Variants in CACNA2D3 observed in about 807,000 individuals in gnomAD.
CACNA2D3 encodes the protein voltage-dependent calcium channel subunit alpha-2/delta-3.
Under a neutral mutation model 160.6 loss-of-function variants are expected in CACNA2D3, and 60 were observed. The ratio of observed to expected loss-of-function variants is 0.37; its 90% CI spans 0.30 to 0.46. The LOEUF is 0.46. Among genes scored for constraint, CACNA2D3 ranks in the 20% least tolerant of loss-of-function variants. CACNA2D3 has a pLI of 1.00. For synonymous variants in CACNA2D3, 558 were observed against 492.9 expected (o/e 1.13, Z -1.75); for missense variants, 1,205 against 1,365.0 (o/e 0.88, Z 1.85).
intron 3 of CACNA2D3, among the ~76,000 whole-genome samples, chr3:54,374,960 C>T (rs140678222): frequency 2.0e-5 from 3 of 152,318 alleles, no homozygotes; most frequent in Non-Finnish European, 4.4e-5. Flanking sequence ...AGGCTCCCCT[C>T]CACATAATCT....
intron 35 of CACNA2D3, among the ~76,000 whole-genome samples, chr3:55,066,549 C>T (rs1704640250): frequency 6.6e-6 from 1 of 152,100 alleles, no homozygotes; most frequent in African/African-American, 2.4e-5. Flanking sequence ...ATGGTGATCG[C>T]TTTCATCATT....
chr3:54,172,292 C>T (rs1700588663), intron 2 of CACNA2D3, among the ~76,000 whole-genome samples: 2 of 152,204 alleles, frequency 1.3e-5, no homozygotes, highest in East Asian at 1.9e-4. Context: ...TGTTTTCGGT[C>T]GAGCCTTTGA....
intron 2 of CACNA2D3, among the ~76,000 whole-genome samples, chr3:54,143,353 A>G (rs1699970865): frequency 6.6e-6 from 1 of 152,224 alleles, no homozygotes; most frequent in Non-Finnish European, 1.5e-5. Context: ...GGAAGAAATA[A>G]TAACTATGAT....
At chr3:54,240,552 A>C (rs1042881071) in intron 2 of CACNA2D3, among the ~76,000 whole-genome samples, 8 of 152,170 alleles carry the variant, frequency 5.3e-5, no homozygotes, top group African/African-American at 1.9e-4. Context: ...CCAACAGCGC[A>C]TGCATTTTCT....
At chr3:54,816,354 G>T (rs371755487) in intron 13 of CACNA2D3, among the ~76,000 whole-genome samples, 2 of 152,142 alleles carry the variant, frequency 1.3e-5, no homozygotes, top group African/African-American at 4.8e-5. Context: ...TTTTGTGGGG[G>T]ACTGTCCTGT....
intron 14 of CACNA2D3, among the ~76,000 whole-genome samples, chr3:54,819,678 C>A (rs759448087): frequency 6.6e-6 from 1 of 152,144 alleles, no homozygotes; most frequent in South Asian, 2.1e-4. Context: ...AACCACGTCT[C>A]TTCTAAAAAT....
chr3:54,463,541 T>C (rs1700549154), intron 4 of CACNA2D3, among the ~76,000 whole-genome samples: 1 of 152,228 alleles, frequency 6.6e-6, no homozygotes, highest in Non-Finnish European at 1.5e-5. Context: ...CCATCACTGA[T>C]ACCCTTTCTT....
intron 3 of CACNA2D3, among the ~76,000 whole-genome samples, chr3:54,377,544 T>G (rs767342878): frequency 2.6e-5 from 4 of 152,212 alleles, no homozygotes; most frequent in Non-Finnish European, 5.9e-5. Context: ...GTGGAATCCT[T>G]TGGGAAATTT....
intron 11 of CACNA2D3, among the ~76,000 whole-genome samples, chr3:54,650,201 T>TTTTGTTTGTTCGTTTG (rs112112937): frequency 4.0e-5 from 6 of 151,068 alleles, no homozygotes; most frequent in African/African-American, 1.5e-4. Context: ...TGTTTTTTGT[T>TTTTGTTTGTTCGTTTG]TTTGTTTGTT....
intron 35 of CACNA2D3, among the ~76,000 whole-genome samples, chr3:55,034,857 G>A (rs1040486162): frequency 4.6e-5 from 7 of 152,068 alleles, no homozygotes; most frequent in Non-Finnish European, 7.4e-5. Flanking sequence ...TGAAAACTCT[G>A]TGTATTTATG....
rs751578672 is a variant in CACNA2D3, at chr3:54,764,299, T to C, written c.1328T>C (p.Val443Ala). Residue 443 changes from valine to alanine, a missense_variant, in exon 13 of 38, where the codon GTC becomes GCC. This residue lies in a region of CACNA2D3 where 911 missense variants were observed against 1,002.2 expected (regional missense o/e 0.91). Coordinates refer to ENST00000474759, the MANE Select transcript of CACNA2D3 (RefSeq NM_018398.3). ...EYLHVLSRPKVIDQEHDVVWT... is the reference protein window; with the variant it reads ...EYLHVLSRPKAIDQEHDVVWT... The stretch of plus-strand genomic sequence containing the variant: ...CTTCACGTGCTTAGCCGGCCCAAAG[T>C]CATCGACCAGGAGCATGATGTGGTG... The C allele has an allele frequency of 1.9e-5, 30 of 1,613,762 alleles. No homozygotes were observed. Among genetic ancestry groups the C allele is most frequent in the Non-Finnish European group, 2.1e-5 (25 of 1,179,854 alleles).
At chr3:54,550,334 C>G (rs920451426) in intron 5 of CACNA2D3, among the ~76,000 whole-genome samples, 3 of 152,172 alleles carry the variant, frequency 2.0e-5, no homozygotes, top group Non-Finnish European at 4.4e-5. Flanking sequence ...TGCTGGGCCT[C>G]GGTTCCCTCA....
intron 4 of CACNA2D3, among the ~76,000 whole-genome samples, chr3:54,482,854 T>C (rs944446876): frequency 2.0e-5 from 3 of 152,168 alleles, no homozygotes; most frequent in African/African-American, 4.8e-5. Context: ...GGGAGACTCA[T>C]AGCCCCCTCT....
chr3:54,432,227 A>G (rs1162845040), intron 4 of CACNA2D3, among the ~76,000 whole-genome samples: 2 of 152,190 alleles, frequency 1.3e-5, no homozygotes, highest in Admixed American at 6.5e-5. Context: ...GATTATAGCT[A>G]TCTCAACATT....
intron 27 of CACNA2D3, among the ~76,000 whole-genome samples, chr3:54,915,254 C>A (rs1457483704): frequency 6.6e-6 from 1 of 152,218 alleles, no homozygotes; most frequent in Non-Finnish European, 1.5e-5. Context: ...TCTCCAAAAT[C>A]TCTATGGCAG....
chr3:54,633,763 T>C (rs548325882), intron 10 of CACNA2D3: 2 of 152,280 alleles, frequency 1.3e-5, no homozygotes, highest in South Asian at 4.2e-4. Flanking sequence ...AGTAAATTCG[T>C]ATTAATACAC....
rs764078872 is a variant in CACNA2D3 at position 54,846,487 on chromosome 3, TC to T, written c.1626+21del. On this transcript the variant is annotated intron_variant, in intron 17 of 37. Transcript: ENST00000474759. ...CTGCTGGTAAGAGAAATTATGTACT[TC>T]TGCATTTCTGCTTTTATGATTTTAA... is the stretch of plus-strand genomic sequence containing the variant. 6.9e-7 allele frequency: 1 copy of T among 1,446,662 alleles called. No homozygotes were observed. Among genetic ancestry groups the T allele is most frequent in the Non-Finnish European group, 9.6e-7 (1 of 1,042,370 alleles). 89.6% of individuals were successfully genotyped at this position (1,446,662 alleles called of 1,614,324 possible).
At chr3:54,130,800 G>T (rs2107252466) in intron 2 of CACNA2D3, among the ~76,000 whole-genome samples, 1 of 152,332 alleles carries the variant, frequency 6.6e-6, no homozygotes, top group East Asian at 1.9e-4. Flanking sequence ...AGGATTAAAT[G>T]AGAAACATCT....
chr3:54,456,473 G>C lies in CACNA2D3; in HGVS notation c.382-47019G>C, dbSNP rs1219448461. 4.0e-5 allele frequency among the ~76,000 whole-genome samples: 6 copies of C among 151,788 alleles called. 1 individual carries two copies. The highest frequency in any genetic ancestry group is 1.3e-4 in the Admixed American group (2 of 15,220). ...TCTAAGAGTTTTGGTGGAGTCTTTA[G>C]GTTGTTTTTCTATATATAAGATCAT... On this transcript the variant is annotated intron_variant, in intron 4 of 37. Transcript: ENST00000474759.
Sources: gnomAD v4.1 joint callset for allele counts (sites outside exome capture counted in the v4.1 genomes callset) on GRCh38, gnomAD v4.1.1 for gene constraint, gnomAD v4.1.1 regional missense constraint, MANE v1.5 for transcripts, NCBI Gene and HGNC (gene_info 2026-07-23, HGNC 2026-07-21) for gene names.